Variants in ARHGAP33 observed in about 807,000 individuals in gnomAD.
ARHGAP33 encodes Rho GTPase activating protein 33.
A neutral mutation model predicts 126.2 loss-of-function variants in ARHGAP33; 57 were observed. The observed-to-expected ratio is 0.45, with a 90% CI of 0.36 to 0.56. The LOEUF (loss-of-function observed/expected upper bound fraction) is 0.56. ARHGAP33 is among the 20% of genes least tolerant of loss of function. ARHGAP33 has a pLI of 0.00. For synonymous variants in ARHGAP33, 711 were observed against 755.0 expected (o/e 0.94, Z 0.95); for missense variants, 1,500 against 1,748.3 (o/e 0.86, Z 2.53).
At position 35,778,300 on chromosome 19, in the gene ARHGAP33, T is replaced by G. The variant is rs749985450; in HGVS notation, c.210T>G (p.Arg70=). 5.0e-6 allele frequency: 8 copies of G among 1,614,048 alleles called. No individual in the cohort carries two copies. In the African/African-American group the frequency reaches 1.1e-4, roughly 22 times the overall value. ...TGCAGCTCCTGCTGTCTCCAGACCG[T>G]GAAGGGCCCAGCCTCTCTGGAGAGA... is the stretch of plus-strand genomic sequence containing the variant. ...GHIQLLLSPD[R]EGPSLSGENE... is the part of the protein sequence containing the mutation. The change falls in exon 4 of 21, where the codon CGT becomes CGG. Residue 70 remains arginine (R), a synonymous_variant. Coordinates refer to ENST00000007510, the MANE Select transcript of ARHGAP33 (RefSeq NM_001366178.1).
chr19:35,782,891 C>T lies in ARHGAP33; in HGVS notation c.1421+22C>T. The stretch of plus-strand genomic sequence containing the variant: ...TACGGTGAGCTGCTTGCTCGCCTGC[C>T]TGCCCCTCAGGTCTTTCCCCAAAAC... On this transcript the variant is annotated intron_variant, in intron 15 of 20. Transcript: ENST00000007510. This position sits in a 1 kb window ranked among gnomAD's most constrained non-coding sequence, Gnocchi z 4.1. 1 of 1,588,722 alleles carries T rather than the reference C, an allele frequency of 6.3e-7. No homozygotes were observed.
At chr19:35,783,258 T>C (rs998342999) in intron 15 of ARHGAP33, among the ~76,000 whole-genome samples, 9 of 152,064 alleles carry the variant, frequency 5.9e-5, no homozygotes, top group African/African-American at 1.9e-4. Flanking sequence ...GATTTGATGG[T>C]GAACGAGACA....
chr19:35,775,618 A>AG lies in ARHGAP33; in HGVS notation c.-37dup. 6.6e-7 allele frequency: 1 copy of AG among 1,506,612 alleles called. No individual in the cohort carries two copies. Among genetic ancestry groups the AG allele is most frequent in the Non-Finnish European group, 8.8e-7 (1 of 1,132,710 alleles). The allele number at this position is 1,506,612 out of a possible 1,614,324, so 93.3% of individuals were successfully genotyped here. ...GCAGCGGCGACGAGAACGGCGAGCG[A>AG]GGGGTCGAGCGCGGCCGGGGCCTGA... is the stretch of plus-strand genomic sequence containing the variant. On this transcript the variant is annotated 5_prime_UTR_variant, in exon 1 of 21. It removes the in-frame stop codon of an upstream open reading frame in the 5' UTR. Transcript: ENST00000007510.
rs1486780987 is a variant in ARHGAP33, at chr19:35,785,016, C to T, written c.1631C>T (p.Thr544Met). The T allele has an allele frequency of 1.9e-6, 3 of 1,549,994 alleles. No individual in the cohort carries two copies. The highest frequency in any genetic ancestry group is 8.7e-7 in the Non-Finnish European group (1 of 1,147,430). ...AGSCPSTRLL[T>M]LEEAQARTQG... ...AGCTGCCCCTCCACCCGCCTGCTGA[C>T]GCTGGAGGAAGCCCAGGCACGCACC... The change falls in exon 17 of 21, where the codon ACG (threonine) becomes ATG (methionine). Residue 544 changes from threonine to methionine, a missense_variant. By Grantham distance (81) the Thr-to-Met change is moderately conservative. This residue lies in a region of ARHGAP33 where 300 missense variants were observed against 291.1 expected (regional missense o/e 1.03). Coordinates refer to ENST00000007510, the MANE Select transcript of ARHGAP33 (RefSeq NM_001366178.1).
Position 35,787,386 on chromosome 19 carries a change from G to C in ARHGAP33, c.2821G>C (p.Gly941Arg), listed in dbSNP as rs368200415. The change falls in exon 21 of 21, where the codon GGG becomes CGG. Residue 941 changes from glycine (G) to arginine (R), a missense_variant. Physicochemically the swap from Gly to Arg is moderately radical, Grantham distance 125. Transcript: ENST00000007510. Reference protein sequence around the residue: ...FHRSLSLEVGGEPLGTSGSGP... With the variant: ...FHRSLSLEVGREPLGTSGSGP... ...CCGCTCGCTGTCTCTGGAGGTGGGC[G>C]GGGAGCCCCTGGGGACCTCAGGGAG... 1.9e-6 allele frequency: 3 copies of C among 1,609,260 alleles called. No individual in the cohort carries two copies. The East Asian group carries it at 6.7e-5, about 36-fold the overall frequency.
rs750159033 is a variant in ARHGAP33, at chr19:35,787,869, C to A, written c.3304C>A (p.Arg1102Ser). 1.2e-6 allele frequency: 2 copies of A among 1,609,374 alleles called. No individual in the cohort carries two copies. The highest frequency in any genetic ancestry group is 2.2e-5 in the South Asian group (2 of 90,866). ...SEGSPYSGPT[R>S]SWSPFRSMPP... is the part of the protein sequence containing the mutation. Reference sequence around the variant, plus strand: ...GGGGTCCCCCTATTCTGGCCCCACCCGCTCCTGGAGTCCCTTTCGCTCCAT... The same window carrying A: ...GGGGTCCCCCTATTCTGGCCCCACCAGCTCCTGGAGTCCCTTTCGCTCCAT... The change falls in exon 21 of 21, where the codon CGC (arginine) becomes AGC (serine). Residue 1102 changes from arginine (R) to serine (S), a missense_variant. Around this residue, in one of 6 missense-constraint regions of ARHGAP33, gnomAD observed 642 missense variants for 634.0 expected, o/e 1.01. Transcript: ENST00000007510.
rs747326193 is a variant in ARHGAP33, at chr19:35,785,396, C to A, written c.1868-13C>A. ...GTCGCTGGAGTGCCCTCCTACCTCTCCCTCTCCTGCAGGCAGCAGACCCGA... is the reference window on the plus strand; with the variant it reads ...GTCGCTGGAGTGCCCTCCTACCTCTACCTCTCCTGCAGGCAGCAGACCCGA... On this transcript the variant is annotated splice_polypyrimidine_tract_variant and intron_variant, in intron 18 of 20. Coordinates refer to ENST00000007510, the MANE Select transcript of ARHGAP33 (RefSeq NM_001366178.1). 1.9e-6 allele frequency: 3 copies of A among 1,614,188 alleles called. No homozygotes were observed. Among genetic ancestry groups the A allele is most frequent in the Non-Finnish European group, 2.5e-6 (3 of 1,180,016 alleles).
At chr19:35,784,814 C>T in intron 16 of ARHGAP33, 139 bp from the exon 17 acceptor site, 1 of 1,390,026 alleles carries the variant, frequency 7.2e-7, no homozygotes, top group Non-Finnish European at 9.3e-7. Context: ...CCTGCTCCCG[C>T]CTGATCCGCC....
chr19:35,785,579 A>G (rs2146742303), intron 19 of ARHGAP33, 96 bp downstream of exon 19: 1 of 1,576,542 alleles, frequency 6.3e-7, no homozygotes, highest in South Asian at 1.1e-5. Context: ...TATACTTCAC[A>G]TTTGGGGGCC....
chr19:35,788,322 T>C lies in ARHGAP33; in HGVS notation c.3757T>C (p.Leu1253=), dbSNP rs536432042. 519 of 1,608,990 alleles carry C rather than the reference T, an allele frequency of 3.2e-4. No individual in the cohort carries two copies. Among genetic ancestry groups the C allele is most frequent in the Middle Eastern group, 1.2e-3 (7 of 6,028 alleles). ...GGGGGGCGAGCTCCACCGAGGGTCCTTGTACAGAAATGGAGGGCAAAGAGG... is the reference window on the plus strand; with the variant it reads ...GGGGGGCGAGCTCCACCGAGGGTCCCTGTACAGAAATGGAGGGCAAAGAGG... The part of the protein sequence containing the change: ...GRGGELHRGS[L]YRNGGQRGEG... The change falls in exon 21 of 21, where the codon TTG becomes CTG. Residue 1253 remains leucine (L), a synonymous_variant. Transcript: ENST00000007510.
In ARHGAP33 at chr19:35,788,448, C is replaced by G. The variant is rs149463067; in HGVS notation, c.*19C>G. 25 of 1,506,026 alleles carry G rather than the reference C, an allele frequency of 1.7e-5. No individual in the cohort carries two copies. Among genetic ancestry groups the G allele is most frequent in the Non-Finnish European group, 2.0e-5 (23 of 1,125,624 alleles). 93.3% of individuals were successfully genotyped at this position (1,506,026 alleles called of 1,614,324 possible). A position where few individuals can be genotyped will look rare whatever the true frequency, so the allele number is the denominator to read the frequency against. On this transcript the variant is annotated 3_prime_UTR_variant, in exon 21 of 21. Coordinates refer to ENST00000007510, the MANE Select transcript of ARHGAP33 (RefSeq NM_001366178.1). The stretch of plus-strand genomic sequence containing the variant: ...CTGCTGAGCACCAGCTGGGAGGGGC[C>G]GTCCTTCCTTCCCTTCACCCTCACT...
intron 6 of ARHGAP33, chr19:35,779,988 G>A: frequency 1.5e-6 from 1 of 667,284 alleles, no homozygotes; most frequent in Non-Finnish European, 2.7e-6. Flanking sequence ...CCTGGGACAT[G>A]TGAGGGGAAA....
Position 35,785,395 on chromosome 19 carries a change from T to TCC in ARHGAP33, c.1868-12_1868-11dup. 1 of 1,614,026 alleles carries TCC rather than the reference T, an allele frequency of 6.2e-7. No individual in the cohort carries two copies. Among genetic ancestry groups the TCC allele is most frequent in the Non-Finnish European group, 8.5e-7 (1 of 1,179,980 alleles). On this transcript the variant is annotated splice_polypyrimidine_tract_variant and intron_variant, in intron 18 of 20. Coordinates refer to ENST00000007510, the MANE Select transcript of ARHGAP33 (RefSeq NM_001366178.1). ...GGTCGCTGGAGTGCCCTCCTACCTC[T>TCC]CCCTCTCCTGCAGGCAGCAGACCCG... is the stretch of plus-strand genomic sequence containing the variant.
At chr19:35,784,799 G>GCCCGCCTGCT (rs1599794675) in intron 16 of ARHGAP33, 154 bp from the exon 17 acceptor site, 4 of 1,360,560 alleles carry the variant, frequency 2.9e-6, no homozygotes, top group South Asian at 1.8e-5. Context: ...CCTGCCTGCT[G>GCCCGCCTGCT]CCCGCCTGCT....
At chr19:35,779,191 C>A in intron 6 of ARHGAP33, 67 bp downstream of exon 6, 2 of 1,283,516 alleles carry the variant, frequency 1.6e-6, no homozygotes, top group Non-Finnish European at 2.2e-6. Flanking sequence ...CGAGAAGCAG[C>A]CTCGGTGTGT....
At chr19:35,777,983 T>C in intron 3 of ARHGAP33, 75 bp downstream of exon 3, 1 of 1,536,268 alleles carries the variant, frequency 6.5e-7, no homozygotes, top group Non-Finnish European at 9.0e-7. Context: ...TCAGGTGCTT[T>C]GCTTCTGAAA....
At position 35,785,263 on chromosome 19, in the gene ARHGAP33, G is replaced by A. The variant is rs780441014; in HGVS notation, c.1796G>A (p.Arg599Gln). The A allele has an allele frequency of 7.5e-6, 12 of 1,595,808 alleles. 1 individual carries two copies. The highest frequency in any genetic ancestry group is 2.7e-5 in the African/African-American group (2 of 74,028). The change falls in exon 18 of 21, where the codon CGG (arginine) becomes CAG (glutamine). Residue 599 changes from arginine (R) to glutamine (Q), a missense_variant. Arg to Gln is a conservative substitution (Grantham distance 43). This residue lies in a region of ARHGAP33 where 300 missense variants were observed against 291.1 expected (regional missense o/e 1.03). Coordinates refer to ENST00000007510, the MANE Select transcript of ARHGAP33 (RefSeq NM_001366178.1). ...SSWKTFFALGRGPSVPRKKPL... is the reference protein window; with the variant it reads ...SSWKTFFALGQGPSVPRKKPL... ...TGGAAGACGTTCTTTGCACTGGGCCGGGGCCCCAGTGTCCCTCGAAAGAAG... is the reference window on the plus strand; with the variant it reads ...TGGAAGACGTTCTTTGCACTGGGCCAGGGCCCCAGTGTCCCTCGAAAGAAG...
chr19:35,785,655 G>A (rs1972074748), intron 19 of ARHGAP33, 172 bp downstream of exon 19: 7 of 1,437,398 alleles, frequency 4.9e-6, no homozygotes, highest in Non-Finnish European at 6.4e-6. Flanking sequence ...ATCACCTTTG[G>A]TTCATCACAC....
chr19:35,787,110 C>T, intron 20 of ARHGAP33, 38 bp downstream of exon 20: 1 of 1,599,420 alleles, frequency 6.3e-7, no homozygotes, highest in Non-Finnish European at 8.5e-7. Flanking sequence ...TCCCCGCCAG[C>T]TGTCACTGAC....
Sources: gnomAD v4.1 joint callset for allele counts (sites outside exome capture counted in the v4.1 genomes callset) on GRCh38, gnomAD v4.1.1 for gene constraint, gnomAD v4.1.1 regional missense constraint, Gnocchi (gnomAD v3.1) non-coding constraint, MANE v1.5 for transcripts, NCBI Gene and HGNC (gene_info 2026-07-23, HGNC 2026-07-21) for gene names.